Variants in SUGCT observed in about 807,000 individuals in gnomAD.
SUGCT encodes the protein succinyl-CoA:glutarate-CoA transferase.
Under a neutral mutation model 55.0 loss-of-function variants are expected in SUGCT, and 41 were observed. The ratio of observed to expected loss-of-function variants is 0.74; its 90% CI spans 0.58 to 0.97. SUGCT has a LOEUF of 0.97. Among genes scored for constraint, SUGCT ranks in the 50% least tolerant of loss-of-function variants. The pLI is 0.00. For missense variants in SUGCT, 568 were observed against 547.8 expected, an observed-to-expected ratio of 1.04 and a Z score of -0.37; for synonymous variants, 187 against 200.4, an observed-to-expected ratio of 0.93 and a Z score of 0.56.
At chr7:40,191,296 C>T (rs891306049) in intron 5 of SUGCT, among the ~76,000 whole-genome samples, 1 of 152,088 alleles carries the variant, frequency 6.6e-6, no homozygotes, top group Non-Finnish European at 1.5e-5. Flanking sequence ...GGATTACAGG[C>T]GTGAGCTACC....
intron 8 of SUGCT, among the ~76,000 whole-genome samples, chr7:40,275,900 A>G (rs1792438939): frequency 1.3e-5 from 2 of 152,220 alleles, no homozygotes; most frequent in Non-Finnish European, 2.9e-5. Context: ...GATTCTGAAT[A>G]GATAATTTTT....
At chr7:40,963,189 G>GT in the SUGCT span, among the ~76,000 whole-genome samples, 107 of 149,206 alleles carry the variant, frequency 7.2e-4, no homozygotes, top group East Asian at 1.8e-3. Context: ...AAGAATATTG[G>GT]TTTTTTTTTT....
intron 9 of SUGCT, among the ~76,000 whole-genome samples, chr7:40,350,327 T>G (rs1797554162): frequency 6.9e-6 from 1 of 144,490 alleles, no homozygotes; most frequent in African/African-American, 2.5e-5. Flanking sequence ...TTTATTTATT[T>G]ATTTTTAAGA....
the SUGCT span, among the ~76,000 whole-genome samples, chr7:40,922,934 C>G: frequency 6.6e-6 from 1 of 152,208 alleles, no homozygotes; most frequent in Non-Finnish European, 1.5e-5. Context: ...GATTTGCCCT[C>G]TGAGCTGTCT....
chr7:40,287,708 A>G lies in SUGCT; in HGVS notation c.720+13052A>G, dbSNP rs111814600. 1.5e-3 allele frequency among the ~76,000 whole-genome samples: 223 copies of G among 152,166 alleles called. 3 individuals are homozygous for G. Among genetic ancestry groups the G allele is most frequent in the African/African-American group, 5.0e-3 (209 of 41,528 alleles). On this transcript the variant is annotated intron_variant, in intron 8 of 13. Transcript: ENST00000335693. Reference sequence around the variant, plus strand: ...GAGATGGGGTCTCAGTATGTTGCCCATGCTGGTCTCAAACTCCTGAGCTCA... The same window carrying G: ...GAGATGGGGTCTCAGTATGTTGCCCGTGCTGGTCTCAAACTCCTGAGCTCA...
the SUGCT span, among the ~76,000 whole-genome samples, chr7:41,002,261 T>A: frequency 6.6e-6 from 1 of 152,206 alleles, no homozygotes; most frequent in East Asian, 1.9e-4. Flanking sequence ...CCTCAAGTGA[T>A]CTGCCTGCCT....
chr7:40,460,911 G>A (rs1244108783), intron 11 of SUGCT, among the ~76,000 whole-genome samples: 1 of 152,110 alleles, frequency 6.6e-6, no homozygotes, highest in Non-Finnish European at 1.5e-5. Context: ...GGCAGGCGTG[G>A]GTAGTCCTAG....
At chr7:40,743,885 TAAAG>T (rs1471652847) in intron 12 of SUGCT, among the ~76,000 whole-genome samples, 1 of 152,094 alleles carries the variant, frequency 6.6e-6, no homozygotes, top group Non-Finnish European at 1.5e-5. Context: ...TTTTTACTAA[TAAAG>T]ATTCTTTTTT....
rs375325603 is a variant in SUGCT at position 40,666,111 on chromosome 7, A to G, written c.1090-83323A>G. Among the ~76,000 whole-genome samples, 233 of 152,212 alleles carry G rather than the reference A, an allele frequency of 1.5e-3. 1 individual carries two copies. Among genetic ancestry groups the G allele is most frequent in the African/African-American group, 5.4e-3 (226 of 41,530 alleles). Reference sequence around the variant, plus strand: ...TGCGGTGGCTCATGCCTGTAATCCCAGCACTTTGGGAGGCTGAATCATGGG... The same window carrying G: ...TGCGGTGGCTCATGCCTGTAATCCCGGCACTTTGGGAGGCTGAATCATGGG... On this transcript the variant is annotated intron_variant, in intron 12 of 13. Coordinates refer to ENST00000335693, the MANE Select transcript of SUGCT (RefSeq NM_001193313.2).
chr7:40,210,170 C>A (rs187364547), intron 6 of SUGCT, among the ~76,000 whole-genome samples: 4 of 151,918 alleles, frequency 2.6e-5, no homozygotes, highest in African/African-American at 9.7e-5. Flanking sequence ...CTCAGCCTCC[C>A]GAGTAGCTGG....
At chr7:40,379,067 C>T (rs1784743684) in intron 9 of SUGCT, among the ~76,000 whole-genome samples, 1 of 152,100 alleles carries the variant, frequency 6.6e-6, no homozygotes, top group South Asian at 2.1e-4. Flanking sequence ...TGTCTTGAGA[C>T]ACAGAGGTAA....
chr7:40,503,932 G>A (rs1336867042), intron 12 of SUGCT, among the ~76,000 whole-genome samples: 2 of 152,132 alleles, frequency 1.3e-5, no homozygotes, highest in Non-Finnish European at 2.9e-5. Context: ...TATCTTAAGA[G>A]CTCTTAGAAA....
At chr7:40,366,068 A>G (rs1371617052) in intron 9 of SUGCT, among the ~76,000 whole-genome samples, 5 of 152,360 alleles carry the variant, frequency 3.3e-5, no homozygotes, top group South Asian at 2.1e-4. Flanking sequence ...AAACAGAGAT[A>G]TAGATCAGTG....
chr7:40,801,256 C>A (rs191180359), intron 13 of SUGCT, among the ~76,000 whole-genome samples: 13 of 152,268 alleles, frequency 8.5e-5, no homozygotes, highest in Admixed American at 5.9e-4. Flanking sequence ...TTAACTTTTC[C>A]CCCACCTGCA....
chr7:40,593,941 A>AT (rs1797863338), intron 12 of SUGCT, among the ~76,000 whole-genome samples: 1 of 152,152 alleles, frequency 6.6e-6, no homozygotes, highest in African/African-American at 2.4e-5. Flanking sequence ...TCCAACAATG[A>AT]TAGACTGGAT....
Position 40,343,902 on chromosome 7 carries a change from C to T in SUGCT, c.816+27047C>T, listed in dbSNP as rs187971887. On this transcript the variant is annotated intron_variant, in intron 9 of 13. Coordinates refer to ENST00000335693, the MANE Select transcript of SUGCT (RefSeq NM_001193313.2). ...CGATCTCCTGACCTCGTGATCTGCCCGCCTCGGCCTCCCAAAGTGCTGGGA... is the reference window on the plus strand; with the variant it reads ...CGATCTCCTGACCTCGTGATCTGCCTGCCTCGGCCTCCCAAAGTGCTGGGA... 1.2e-3 allele frequency among the ~76,000 whole-genome samples: 187 copies of T among 152,208 alleles called. 1 individual carries two copies. Among genetic ancestry groups the T allele is most frequent in the African/African-American group, 4.1e-3 (172 of 41,542 alleles).
chr7:40,884,977 C>T, the SUGCT span, among the ~76,000 whole-genome samples: 194 of 152,230 alleles, frequency 1.3e-3, no homozygotes, highest in African/African-American at 4.5e-3. Context: ...GTCAGCTTGC[C>T]TGGCCTCTCT....
chr7:40,351,690 A>T lies in SUGCT; in HGVS notation c.816+34835A>T, dbSNP rs141682620. On this transcript the variant is annotated intron_variant, in intron 9 of 13. Coordinates refer to ENST00000335693, the MANE Select transcript of SUGCT (RefSeq NM_001193313.2). ...ATAAGCACTCTTCAATGACTAGCTG[A>T]CATCACATTTAGAGTTTGGTTAAAA... 8.3e-3 allele frequency among the ~76,000 whole-genome samples: 1,267 copies of T among 152,348 alleles called. 15 individuals carry two copies. Among genetic ancestry groups the T allele is most frequent in the African/African-American group, 0.029 (1,206 of 41,586 alleles).
intron 1 of SUGCT, among the ~76,000 whole-genome samples, chr7:40,159,051 G>A (rs1784027265): frequency 6.6e-6 from 1 of 152,144 alleles, no homozygotes; most frequent in African/African-American, 2.4e-5. Context: ...GAGTAGCTGG[G>A]ATTACAGGCA....
Sources: gnomAD v4.1 joint callset for allele counts (sites outside exome capture counted in the v4.1 genomes callset) on GRCh38, gnomAD v4.1.1 for gene constraint, MANE v1.5 for transcripts, NCBI Gene and HGNC (gene_info 2026-07-23, HGNC 2026-07-21) for gene names.